The following EYS variants were observed in gnomAD, a reference collection of about 807,000 sequenced individuals.
The protein encoded by EYS is EGF-like photoreceptor maintenance factor, also known as protein eyes shut homolog.
A neutral mutation model predicts 282.1 loss-of-function variants in EYS; 250 were observed. The observed-to-expected ratio is 0.89, with a 90% CI of 0.80 to 0.98. The LOEUF (loss-of-function observed/expected upper bound fraction) is 0.98, where lower values mean the gene tolerates loss of function less well. Ranked by LOEUF, EYS falls within the 50% of genes least tolerant of loss-of-function variation. EYS has a pLI of 0.00. For synonymous variants in EYS, 1,355 were observed against 1,282.9 expected, an observed-to-expected ratio of 1.06 and a Z score of -1.20; for missense variants, 4,016 against 3,709.0, an observed-to-expected ratio of 1.08 and a Z score of -2.15.
At chr6:64,294,168 C>T (rs1004472768) in intron 30 of EYS, among the ~76,000 whole-genome samples, 6 of 152,058 alleles carry the variant, frequency 3.9e-5, no homozygotes, top group Non-Finnish European at 7.4e-5. Context: ...ATGATTCAAG[C>T]AAACATAAAA....
At chr6:65,612,168 T>C (rs1028650457) in intron 2 of EYS, among the ~76,000 whole-genome samples, 3 of 151,204 alleles carry the variant, frequency 2.0e-5, no homozygotes, top group Admixed American at 6.6e-5. Flanking sequence ...GGTGCTTGGA[T>C]TGGCATGTGT....
At chr6:64,429,837 T>C (rs1056346958) in intron 28 of EYS, among the ~76,000 whole-genome samples, 2 of 152,214 alleles carry the variant, frequency 1.3e-5, no homozygotes, top group African/African-American at 4.8e-5. Context: ...CTTGGATGAA[T>C]AATTATCATT....
At chr6:65,639,424 C>T (rs1352458811) in intron 2 of EYS, among the ~76,000 whole-genome samples, 1 of 151,842 alleles carries the variant, frequency 6.6e-6, no homozygotes, top group African/African-American at 2.4e-5. Context: ...ATCCTTTCAT[C>T]TTGAAAGAGA....
intron 26 of EYS, among the ~76,000 whole-genome samples, chr6:64,561,704 T>C (rs765420167): frequency 9.9e-5 from 15 of 152,002 alleles, no homozygotes; most frequent in Non-Finnish European, 2.2e-4. Context: ...AAACCTCCCA[T>C]GCTCATGGAT....
chr6:63,734,939 C>A (rs1030378954), intron 41 of EYS, among the ~76,000 whole-genome samples: 1 of 152,068 alleles, frequency 6.6e-6, no homozygotes, highest in African/African-American at 2.4e-5. Context: ...AGCATTTGAC[C>A]TTCCCAATAT....
intron 26 of EYS, among the ~76,000 whole-genome samples, chr6:64,458,714 TA>T (rs943927316): frequency 3.9e-5 from 6 of 152,176 alleles, no homozygotes; most frequent in Non-Finnish European, 7.4e-5. Flanking sequence ...TCCAGGTTAC[TA>T]AAAATATTAG....
chr6:64,837,442 C>T (rs1259570665), intron 19 of EYS, among the ~76,000 whole-genome samples: 1 of 151,072 alleles, frequency 6.6e-6, no homozygotes, highest in African/African-American at 2.4e-5. Context: ...TCCACTTTCA[C>T]CACTTCTATT....
rs576066295 is a variant in EYS, at chr6:64,054,967, A to C, written c.6725+11371T>G. Among the ~76,000 whole-genome samples, 8 of 152,302 alleles carry C rather than the reference A, an allele frequency of 5.3e-5. No individual in the cohort carries two copies. The South Asian group carries it at 6.2e-4, about 12-fold the overall frequency. On this transcript the variant is annotated intron_variant, in intron 33 of 42. Coordinates refer to ENST00000503581, the MANE Select transcript of EYS (RefSeq NM_001142800.2). ...TTAAACGTAACAGGCCCAAAACTTA[A>C]CAGACACTTATTTATCCACCTCACA... is the stretch of plus-strand genomic sequence containing the variant.
At chr6:65,389,152 A>T (rs556575038) in intron 7 of EYS, among the ~76,000 whole-genome samples, 52 of 152,302 alleles carry the variant, frequency 3.4e-4, no homozygotes, top group African/African-American at 1.2e-3. Context: ...CAATTTAAAA[A>T]TATAAACCAA....
intron 31 of EYS, among the ~76,000 whole-genome samples, chr6:64,105,185 AC>A (rs1043780434): frequency 6.6e-6 from 1 of 152,022 alleles, no homozygotes; most frequent in East Asian, 1.9e-4. Flanking sequence ...AATCTTTCCT[AC>A]CCACTCTATG....
At chr6:64,638,929 T>C (rs2149868933) in intron 22 of EYS, among the ~76,000 whole-genome samples, 1 of 88,734 alleles carries the variant, frequency 1.1e-5, no homozygotes, top group Non-Finnish European at 2.4e-5. Context: ...CTTGTTTACC[T>C]CCCTGCCCCC....
chr6:65,067,653 CT>C (rs1773785937), intron 12 of EYS, among the ~76,000 whole-genome samples: 1 of 151,842 alleles, frequency 6.6e-6, no homozygotes, highest in Non-Finnish European at 1.5e-5. Context: ...AAAGAGACAC[CT>C]AAAAAATAGA....
At chr6:64,018,504 C>T (rs1191044536) in intron 33 of EYS, among the ~76,000 whole-genome samples, 1 of 151,986 alleles carries the variant, frequency 6.6e-6, no homozygotes, top group Non-Finnish European at 1.5e-5. Flanking sequence ...AATTATACAG[C>T]CGAATAGCAA....
At chr6:65,376,916 G>A (rs966333911) in intron 8 of EYS, among the ~76,000 whole-genome samples, 5 of 152,056 alleles carry the variant, frequency 3.3e-5, no homozygotes, top group African/African-American at 1.2e-4. Context: ...CTCCCTCACA[G>A]TAATAGTGGG....
At chr6:65,375,253 T>C (rs769600435) in intron 8 of EYS, among the ~76,000 whole-genome samples, 14 of 152,150 alleles carry the variant, frequency 9.2e-5, no homozygotes, top group Non-Finnish European at 1.3e-4. Flanking sequence ...GGGTCTGCAG[T>C]GGACCTCCAG....
intron 22 of EYS, among the ~76,000 whole-genome samples, chr6:64,659,435 A>G (rs1450932932): frequency 3.3e-5 from 5 of 152,196 alleles, no homozygotes; most frequent in East Asian, 1.9e-4. Context: ...CAAAAAATCA[A>G]TGAATCCAGG....
At chr6:64,078,939 T>A (rs535428988) in intron 32 of EYS, among the ~76,000 whole-genome samples, 3 of 152,214 alleles carry the variant, frequency 2.0e-5, no homozygotes, top group Non-Finnish European at 4.4e-5. Context: ...CAGAGCAGGA[T>A]AATTCCCAGT....
rs1198541266 is a variant in EYS at position 64,479,338 on chromosome 6, C to CA, written c.5645-39987dup. Reference sequence around the variant, plus strand: ...TTTTGATTACGTCACTTTACTGCTCCATGATATTGCCTGCTCCATAAAATT... The same window carrying CA: ...TTTTGATTACGTCACTTTACTGCTCCAATGATATTGCCTGCTCCATAAAATT... On this transcript the variant is annotated intron_variant, in intron 26 of 42. Transcript: ENST00000503581. Among the ~76,000 whole-genome samples the CA allele has an allele frequency of 3.3e-5, 5 of 152,040 alleles. No individual in the cohort carries two copies. In the East Asian group the frequency reaches 7.8e-4, roughly 24 times the overall value.
At chr6:64,840,937 C>A (rs999140834) in intron 19 of EYS, among the ~76,000 whole-genome samples, 1 of 152,132 alleles carries the variant, frequency 6.6e-6, no homozygotes, top group Non-Finnish European at 1.5e-5. Context: ...ACACAGCACA[C>A]AGCAGAATAT....
Sources: gnomAD v4.1 joint callset for allele counts (sites outside exome capture counted in the v4.1 genomes callset) on GRCh38, gnomAD v4.1.1 for gene constraint, MANE v1.5 for transcripts, NCBI Gene and HGNC (gene_info 2026-07-23, HGNC 2026-07-21) for gene names.